FOXN3: variants seen among roughly 807,000 people sequenced by gnomAD.
FOXN3 encodes the protein forkhead box N3.
FOXN3 carries 7 observed loss-of-function variants against 38.4 expected under a neutral mutation model. The ratio of observed to expected loss-of-function variants is 0.18; its 90% CI spans 0.10 to 0.34. FOXN3 has a LOEUF of 0.34. Among genes scored for constraint, FOXN3 ranks in the 10% least tolerant of loss-of-function variants. The probability of loss-of-function intolerance (pLI) is 1.00; values close to 1 mark genes in which losing one functional copy is unlikely to be tolerated. For synonymous variants in FOXN3, 230 were observed against 242.2 expected, an observed-to-expected ratio of 0.95 and a Z score of 0.47; for missense variants, 456 against 613.4, an observed-to-expected ratio of 0.74 and a Z score of 2.71.
intron 1 of FOXN3, among the ~76,000 whole-genome samples, chr14:89,512,675 G>C (rs951795886): frequency 1.3e-5 from 2 of 152,250 alleles, no homozygotes; most frequent in Non-Finnish European, 2.9e-5. Flanking sequence ...AGGACAGAGA[G>C]CCCTACCGCA....
intron 1 of FOXN3, among the ~76,000 whole-genome samples, chr14:89,431,701 A>C (rs974712575): frequency 3.3e-5 from 5 of 152,122 alleles, no homozygotes; most frequent in African/African-American, 1.2e-4. Flanking sequence ...CCACTGCCCC[A>C]ACACAAGCAT....
chr14:89,287,351 G>A (rs538437508), intron 3 of FOXN3, among the ~76,000 whole-genome samples: 13 of 151,996 alleles, frequency 8.6e-5, no homozygotes, highest in South Asian at 2.1e-4. Flanking sequence ...ACACAGTTTC[G>A]CCATTGGCCA....
At chr14:89,489,445 C>T (rs1179978989) in intron 1 of FOXN3, among the ~76,000 whole-genome samples, 1 of 152,218 alleles carries the variant, frequency 6.6e-6, no homozygotes, top group Non-Finnish European at 1.5e-5. Flanking sequence ...GCAGATACAG[C>T]AGTTCTGAGG....
intron 2 of FOXN3, among the ~76,000 whole-genome samples, chr14:89,360,731 C>G (rs1398153091): frequency 1.4e-5 from 2 of 139,864 alleles, no homozygotes; most frequent in Non-Finnish European, 3.1e-5. Context: ...CCACCACCAC[C>G]ACCTCCAGCA....
chr14:89,413,904 G>A (rs1891616861), intron 1 of FOXN3, among the ~76,000 whole-genome samples: 1 of 143,720 alleles, frequency 7.0e-6, no homozygotes, highest in African/African-American at 2.6e-5. Context: ...GGCAGGGCAG[G>A]GCAAGGGGAG....
At chr14:89,485,235 G>C (rs1473450779) in intron 1 of FOXN3, among the ~76,000 whole-genome samples, 2 of 151,602 alleles carry the variant, frequency 1.3e-5, no homozygotes, top group East Asian at 3.9e-4. Flanking sequence ...GAGAGTGAGG[G>C]GTGGACAGGA....
At chr14:89,390,306 T>C (rs1398290889) in intron 2 of FOXN3, among the ~76,000 whole-genome samples, 1 of 123,332 alleles carries the variant, frequency 8.1e-6, no homozygotes, top group African/African-American at 2.6e-5. Flanking sequence ...TCTCTCTCTC[T>C]CTCTCTCTAT....
intron 1 of FOXN3, among the ~76,000 whole-genome samples, chr14:89,470,757 G>A (rs1479441234): frequency 2.6e-5 from 4 of 152,154 alleles, no homozygotes; most frequent in African/African-American, 4.8e-5. Flanking sequence ...CAGGCACTCC[G>A]TCCCAAGCAC....
chr14:89,439,831 A>AT (rs56224824), intron 1 of FOXN3, among the ~76,000 whole-genome samples: 53,185 of 150,976 alleles, frequency 0.35, 9,865 homozygotes, highest in East Asian at 0.57. Flanking sequence ...AATTTTTTGT[A>AT]TTTTAGTAGA....
intron 4 of FOXN3, among the ~76,000 whole-genome samples, chr14:89,222,490 G>A (rs771938454): frequency 1.3e-5 from 2 of 152,188 alleles, no homozygotes; most frequent in African/African-American, 2.4e-5. Context: ...AGAGAAATCC[G>A]TAATGTTTAC....
At chr14:89,525,463 G>C (rs1487965843) in intron 1 of FOXN3, among the ~76,000 whole-genome samples, 1 of 152,128 alleles carries the variant, frequency 6.6e-6, no homozygotes, top group Non-Finnish European at 1.5e-5. Context: ...CTCAGTTCCA[G>C]GAACTGTCCA....
At chr14:89,260,068 C>T (rs1477826856) in intron 4 of FOXN3, among the ~76,000 whole-genome samples, 2 of 152,176 alleles carry the variant, frequency 1.3e-5, no homozygotes, top group Non-Finnish European at 2.9e-5. Flanking sequence ...TCGTGTCGGG[C>T]AGTGTGAATG....
intron 1 of FOXN3, among the ~76,000 whole-genome samples, chr14:89,503,882 T>A (rs1893853739): frequency 1.3e-5 from 2 of 152,240 alleles, no homozygotes; most frequent in South Asian, 4.1e-4. Flanking sequence ...ACACAATGGC[T>A]GCTTCCAAAG....
intron 5 of FOXN3, among the ~76,000 whole-genome samples, chr14:89,172,451 A>G (rs901681324): frequency 6.6e-5 from 10 of 152,222 alleles, no homozygotes; most frequent in African/African-American, 2.4e-4. Context: ...CTAGTCAGGA[A>G]CCATAATAGG....
chr14:89,611,723 G>A (rs191730243), intron 1 of FOXN3, among the ~76,000 whole-genome samples: 3 of 150,484 alleles, frequency 2.0e-5, no homozygotes, highest in African/African-American at 7.3e-5. Flanking sequence ...GGAGAACGGC[G>A]TGAACCTGGG....
intron 4 of FOXN3, among the ~76,000 whole-genome samples, chr14:89,207,755 C>T (rs1024038859): frequency 6.6e-6 from 1 of 152,146 alleles, no homozygotes; most frequent in African/African-American, 2.4e-5. Flanking sequence ...GTGGAATGTA[C>T]CCTTTGTCAA....
chr14:89,383,306 G>A (rs1019985438), intron 2 of FOXN3, among the ~76,000 whole-genome samples: 1 of 152,160 alleles, frequency 6.6e-6, no homozygotes, highest in African/African-American at 2.4e-5. Flanking sequence ...AATGCATGAG[G>A]CTTCTCCAGG....
intron 1 of FOXN3, among the ~76,000 whole-genome samples, chr14:89,615,671 AAGCTCC>A (rs1310820528): frequency 6.6e-6 from 1 of 152,206 alleles, no homozygotes; most frequent in African/African-American, 2.4e-5. Flanking sequence ...GCAGATAAGA[AAGCTCC>A]CTACAGGAAA....
At chr14:89,605,429 A>G (rs1896252264) in intron 1 of FOXN3, among the ~76,000 whole-genome samples, 1 of 152,164 alleles carries the variant, frequency 6.6e-6, no homozygotes, top group Non-Finnish European at 1.5e-5. Flanking sequence ...CTACTATAGA[A>G]TACATAAAAT....
Sources: allele counts gnomAD v4.1 joint callset (sites outside exome capture counted in the v4.1 genomes callset), GRCh38; gene constraint gnomAD v4.1.1; transcripts MANE v1.5; gene names NCBI Gene and HGNC (gene_info 2026-07-23, HGNC 2026-07-21).